The following MYOCD variants were observed in gnomAD, a reference collection of about 807,000 sequenced individuals.
MYOCD encodes the protein myocardin.
A neutral mutation model predicts 96.1 loss-of-function variants in MYOCD; 32 were observed. The observed-to-expected ratio is 0.33, with a 90% CI of 0.25 to 0.45. The LOEUF is 0.45. Ranked by LOEUF, MYOCD falls within the 20% of genes least tolerant of loss-of-function variation. The probability of loss-of-function intolerance (pLI) is 1.00; values close to 1 mark genes in which losing one functional copy is unlikely to be tolerated. For missense variants in MYOCD, 1,133 were observed against 1,200.6 expected (o/e 0.94, Z 0.83); for synonymous variants, 469 against 469.0 (o/e 1.00, Z 0.00).
chr17:12,734,591 A>G (rs1026015970), intron 5 of MYOCD, among the ~76,000 whole-genome samples: 1 of 135,228 alleles, frequency 7.4e-6, no homozygotes, highest in Admixed American at 8.9e-5. Context: ...GCTGACTGCA[A>G]CCACTGCCTC....
At chr17:12,716,221 C>A (rs942775485) in intron 3 of MYOCD, among the ~76,000 whole-genome samples, 1 of 152,172 alleles carries the variant, frequency 6.6e-6, no homozygotes, top group Admixed American at 6.5e-5. Context: ...ACTAGCCTTG[C>A]AGCTTGTCTA....
intron 1 of MYOCD, among the ~76,000 whole-genome samples, chr17:12,693,635 A>G (rs950274935): frequency 1.0e-4 from 11 of 105,412 alleles, no homozygotes; most frequent in African/African-American, 1.5e-4. Context: ...GAATAAAATA[A>G]AATAAAATAA....
chr17:12,717,932 A>T (rs2031699932), intron 4 of MYOCD, among the ~76,000 whole-genome samples: 1 of 152,300 alleles, frequency 6.6e-6, no homozygotes, highest in South Asian at 2.1e-4. Flanking sequence ...TATGTGAGAC[A>T]AGGCAAACAA....
intron 1 of MYOCD, among the ~76,000 whole-genome samples, chr17:12,680,019 A>G (rs1004001538): frequency 2.6e-5 from 4 of 152,240 alleles, no homozygotes; most frequent in African/African-American, 7.2e-5. Flanking sequence ...CACTTGTTTT[A>G]TAGTCAGAAA....
chr17:12,687,199 A>G (rs1203329536), intron 1 of MYOCD, among the ~76,000 whole-genome samples: 3 of 152,186 alleles, frequency 2.0e-5, no homozygotes, highest in Non-Finnish European at 2.9e-5. Context: ...TTAGCTAAAA[A>G]ACACTACACT....
At chr17:12,722,616 C>T (rs978308503) in intron 4 of MYOCD, among the ~76,000 whole-genome samples, 1 of 152,160 alleles carries the variant, frequency 6.6e-6, no homozygotes, top group Admixed American at 6.5e-5. Context: ...CACGAATCCT[C>T]GCAAAGCAAG....
intron 1 of MYOCD, among the ~76,000 whole-genome samples, chr17:12,673,109 C>A (rs1320454547): frequency 1.3e-5 from 2 of 152,044 alleles, no homozygotes; most frequent in Non-Finnish European, 2.9e-5. Flanking sequence ...TTTCTATTTC[C>A]GGAAACACTC....
rs1022436855 is a variant in MYOCD, at chr17:12,764,309, C to T, written c.*665C>T. The T allele has an allele frequency of 1.3e-5, 2 of 152,304 alleles. No homozygotes were observed. The highest frequency in any genetic ancestry group is 2.9e-5 in the Non-Finnish European group (2 of 68,122). The allele number at this position is 152,304 out of a possible 1,614,324, so 9.4% of individuals were successfully genotyped here. ...GGTCACTAATAACAATTAACCTGAA[C>T]TGAGTCCACAGAACTCCACTCGGAA... On this transcript the variant is annotated 3_prime_UTR_variant, in exon 14 of 14. Coordinates refer to ENST00000425538, the MANE Select transcript of MYOCD (RefSeq NM_001146312.3).
chr17:12,712,614 G>A (rs868153985), intron 2 of MYOCD, among the ~76,000 whole-genome samples: 15 of 152,062 alleles, frequency 9.9e-5, no homozygotes, highest in African/African-American at 2.4e-4. Context: ...TTATATGCTC[G>A]GCTGACCCAA....
intron 10 of MYOCD, among the ~76,000 whole-genome samples, chr17:12,754,612 G>A (rs1215135242): frequency 2.0e-5 from 3 of 152,214 alleles, no homozygotes; most frequent in South Asian, 4.1e-4. Flanking sequence ...GGTCATAGGA[G>A]ATGGCTTAGA....
rs536601434 is a variant in MYOCD, at chr17:12,754,537, G to A, written c.2058+1191G>A. Among the ~76,000 whole-genome samples, 22 of 152,350 alleles carry A rather than the reference G, an allele frequency of 1.4e-4. 1 individual carries two copies. In the South Asian group the frequency reaches 4.1e-3, roughly 29 times the overall value. On this transcript the variant is annotated intron_variant, in intron 10 of 13. Coordinates refer to ENST00000425538, the MANE Select transcript of MYOCD (RefSeq NM_001146312.3). ...AAATAGCACTTGCAGGGGCCCTGAG[G>A]TTGGAACTTGTAGGGACTGTTCAAG...
At position 12,768,834 on chromosome 17, in the gene MYOCD, G is replaced by T. The variant is rs1487714058; in HGVS notation, c.*5190G>T. ...TGAGCATAATCAGAAAGAAATGTGG[G>T]TTATTGGGAAGAGACAAAAAGCAGT... On this transcript the variant is annotated 3_prime_UTR_variant, in exon 14 of 14. Coordinates refer to ENST00000425538, the MANE Select transcript of MYOCD (RefSeq NM_001146312.3). The T allele has an allele frequency of 6.6e-6, 1 of 150,860 alleles. No homozygotes were observed. Among genetic ancestry groups the T allele is most frequent in the Non-Finnish European group, 1.5e-5 (1 of 67,910 alleles). 9.3% of individuals were successfully genotyped at this position (150,860 alleles called of 1,614,324 possible). A position where few individuals can be genotyped will look rare whatever the true frequency, so the allele number is the denominator to read the frequency against.
chr17:12,685,547 G>A (rs146269877), intron 1 of MYOCD, among the ~76,000 whole-genome samples: 2,108 of 150,656 alleles, frequency 0.014, 15 homozygotes, highest in Middle Eastern at 0.025. Flanking sequence ...CGGAGGTTGC[G>A]GTGAGCCAAG....
chr17:12,677,265 G>A (rs1910121762), intron 1 of MYOCD, among the ~76,000 whole-genome samples: 1 of 152,102 alleles, frequency 6.6e-6, no homozygotes, highest in Admixed American at 6.5e-5. Flanking sequence ...GTGGAGGATG[G>A]GAGGAGGGAG....
intron 1 of MYOCD, among the ~76,000 whole-genome samples, chr17:12,699,304 T>C (rs2030942538): frequency 6.6e-6 from 1 of 151,996 alleles, no homozygotes; most frequent in African/African-American, 2.4e-5. Context: ...TTTGTATTTT[T>C]AGTAGAGATG....
chr17:12,696,969 T>C (rs1237712282), intron 1 of MYOCD, among the ~76,000 whole-genome samples: 1 of 152,110 alleles, frequency 6.6e-6, no homozygotes, highest in Non-Finnish European at 1.5e-5. Context: ...TCTTGGATAT[T>C]GTCAGCAATC....
chr17:12,689,812 C>CA (rs1160593379), intron 1 of MYOCD, among the ~76,000 whole-genome samples: 1 of 152,144 alleles, frequency 6.6e-6, no homozygotes, highest in African/African-American at 2.4e-5. Flanking sequence ...GCCTGGGTGA[C>CA]AGAGCGAGAC....
intron 9 of MYOCD, among the ~76,000 whole-genome samples, chr17:12,749,719 G>GTATATATATATA (rs1179537467): frequency 1.3e-4 from 1 of 7,700 alleles, no homozygotes; most frequent in Admixed American, 1.4e-3. Flanking sequence ...GTATATATAT[G>GTATATATATATA]TGTGTGTGTA....
chr17:12,717,022 G>T (rs1407591893), intron 3 of MYOCD, among the ~76,000 whole-genome samples: 2 of 126,986 alleles, frequency 1.6e-5, no homozygotes, highest in East Asian at 4.6e-4. Flanking sequence ...AAAAAAAAAG[G>T]CAATGGAATA....
Sources: gnomAD v4.1 joint callset for allele counts (sites outside exome capture counted in the v4.1 genomes callset) on GRCh38, gnomAD v4.1.1 for gene constraint, MANE v1.5 for transcripts, NCBI Gene and HGNC (gene_info 2026-07-23, HGNC 2026-07-21) for gene names.